MFN2: variants seen among roughly 807,000 people sequenced by gnomAD.
MFN2 encodes mitofusin 2.
Under a neutral mutation model 87.5 loss-of-function variants are expected in MFN2, and 43 were observed. The observed-to-expected ratio is 0.49, with a 90% confidence interval of 0.38 to 0.63. The LOEUF is 0.63. Ranked by LOEUF, MFN2 falls within the 30% of genes least tolerant of loss-of-function variation. MFN2 has a pLI of 0.00. For synonymous variants in MFN2, 337 were observed against 359.9 expected (o/e 0.94, Z 0.72); for missense variants, 743 against 972.8 (o/e 0.76, Z 3.14).
chr1:12,001,298 C>A, intron 8 of MFN2, 103 bp from the exon 9 acceptor site: 1 of 1,497,850 alleles, frequency 6.7e-7, no homozygotes. Flanking sequence ...CAGGCGTCAG[C>A]CACCATGCCC....
At chr1:12,006,334 G>C (rs1419331546) in intron 15 of MFN2, among the ~76,000 whole-genome samples, 2 of 152,200 alleles carry the variant, frequency 1.3e-5, no homozygotes, top group African/African-American at 4.8e-5. Context: ...GGTCAGGATG[G>C]CTCCTGCTCA....
At chr1:12,010,408 G>T (rs987313335) in intron 18 of MFN2, among the ~76,000 whole-genome samples, 1 of 152,156 alleles carries the variant, frequency 6.6e-6, no homozygotes, top group South Asian at 2.1e-4. Flanking sequence ...AACTTGTCTG[G>T]CATCTCAAAA....
intron 11 of MFN2, among the ~76,000 whole-genome samples, chr1:12,002,401 A>G (rs1247967987): frequency 1.3e-5 from 2 of 152,258 alleles, no homozygotes; most frequent in African/African-American, 4.8e-5. Context: ...CATTTTTCAA[A>G]ACAACATTCC....
rs150304304 is a variant in MFN2 at position 12,006,560 on chromosome 1, C to T, written c.1739C>T (p.Thr580Met). The T allele has an allele frequency of 6.2e-6, 10 of 1,614,246 alleles. No homozygotes were observed. Among genetic ancestry groups the T allele is most frequent in the Non-Finnish European group, 7.6e-6 (9 of 1,180,048 alleles). The change falls in exon 16 of 19, where the codon ACG (threonine) becomes ATG (methionine). Residue 580 changes from threonine to methionine, a missense_variant. Physicochemically the swap from Thr to Met is moderately conservative, Grantham distance 81. Transcript: ENST00000235329. The part of the protein sequence containing the change: ...NDQVQRPIPL[T>M]PANPSMPPLP... ...CAGGTCCAGCGTCCCATCCCTCTGACGCCAGCCAACCCCAGCATGCCCCCA... is the reference window on the plus strand; with the variant it reads ...CAGGTCCAGCGTCCCATCCCTCTGATGCCAGCCAACCCCAGCATGCCCCCA...
chr1:12,000,869 C>T (rs1043163618), intron 8 of MFN2, among the ~76,000 whole-genome samples: 1 of 152,156 alleles, frequency 6.6e-6, no homozygotes, highest in African/African-American at 2.4e-5. Context: ...AGCATTTCTG[C>T]TTGTATATGC....
In MFN2 at chr1:11,996,026, C is replaced by T; in HGVS notation, c.312-130C>T. 3 of 1,161,366 alleles carry T rather than the reference C, an allele frequency of 2.6e-6. No individual in the cohort carries two copies. The Admixed American group carries it at 5.2e-5, about 20-fold the overall frequency. The allele number at this position is 1,161,366 out of a possible 1,614,324, so 71.9% of individuals were successfully genotyped here. A position where few individuals can be genotyped will look rare whatever the true frequency, so the allele number is the denominator to read the frequency against. ...AATAAACAGTGCCTACTCTTTGTCT[C>T]TCAGCACTGTCTGGGCACTGGCAAC... On this transcript the variant is annotated intron_variant, in intron 4 of 18. Transcript: ENST00000235329.
At chr1:12,002,687 C>G (rs1639231045) in intron 11 of MFN2, among the ~76,000 whole-genome samples, 2 of 152,174 alleles carry the variant, frequency 1.3e-5, no homozygotes, top group South Asian at 4.1e-4. Flanking sequence ...GACCCTGTCA[C>G]TAAAGAATAA....
Position 11,992,541 on chromosome 1 carries a change from A to G in MFN2, c.176-14A>G, listed in dbSNP as rs2100812425. On this transcript the variant is annotated splice_polypyrimidine_tract_variant and intron_variant, in intron 3 of 18. Coordinates refer to ENST00000235329, the MANE Select transcript of MFN2 (RefSeq NM_014874.4). ...CTGACCACGTGGTGACCCATTTTCA[A>G]TCCCCACCTCCAGACACGTACAGGA... 1 of 1,614,106 alleles carries G rather than the reference A, an allele frequency of 6.2e-7. No homozygotes were observed. Among genetic ancestry groups the G allele is most frequent in the Non-Finnish European group, 8.5e-7 (1 of 1,180,000 alleles).
chr1:11,985,470 T>C (rs1202010946), intron 2 of MFN2, among the ~76,000 whole-genome samples: 1 of 140,110 alleles, frequency 7.1e-6, no homozygotes, highest in Non-Finnish European at 1.5e-5. Context: ...TTTTTTTTTT[T>C]TTTTTTTTTT....
At chr1:11,992,771 C>G (rs1302666617) in intron 4 of MFN2, 81 bp downstream of exon 4, 3 of 1,549,420 alleles carry the variant, frequency 1.9e-6, no homozygotes, top group Non-Finnish European at 2.7e-6. Context: ...ACAGAACGTT[C>G]CAGGCAGGGA....
chr1:11,990,921 G>A (rs1283721000), intron 3 of MFN2, among the ~76,000 whole-genome samples: 1 of 152,188 alleles, frequency 6.6e-6, no homozygotes, highest in Non-Finnish European at 1.5e-5. Flanking sequence ...CTTTCATGGC[G>A]CTGGCTGTGG....
chr1:11,992,637 A>G lies in MFN2; in HGVS notation c.258A>G (p.Arg86=), dbSNP rs781518271. Residue 86 remains arginine (R), a synonymous_variant, in exon 4 of 19, where the codon AGA becomes AGG. Transcript: ENST00000235329. ...TCAAAGGTTACCTATCCAAAGTGAG[A>G]GGCATCAGTGAGGTGCTGGCTCGGA... The part of the protein sequence containing the change: ...LDVKGYLSKV[R]GISEVLARRH... 6.2e-7 allele frequency: 1 copy of G among 1,614,194 alleles called. No individual in the cohort carries two copies. Among genetic ancestry groups the G allele is most frequent in the Non-Finnish European group, 8.5e-7 (1 of 1,180,030 alleles).
In MFN2 at chr1:11,989,226, C is replaced by T. The variant is rs201715603; in HGVS notation, c.58C>T (p.His20Tyr). The T allele has an allele frequency of 1.1e-4, 176 of 1,614,124 alleles. 9 individuals carry two copies. In the Middle Eastern group the frequency reaches 0.015, roughly 141 times the overall value. Residue 20 changes from histidine to tyrosine, a missense_variant, in exon 3 of 19, where the codon CAC (histidine) becomes TAC (tyrosine). By Grantham distance (83) the His-to-Tyr change is moderately conservative (BLOSUM62 2). Transcript: ENST00000235329. ...SIVTVKKNKR[H>Y]MAEVNASPLK... ...CGTCACAGTCAAGAAAAATAAGAGA[C>T]ACATGGCTGAGGTGAATGCATCCCC...
intron 17 of MFN2, among the ~76,000 whole-genome samples, chr1:12,008,928 G>A (rs546502425): frequency 2.0e-5 from 3 of 152,380 alleles, no homozygotes; most frequent in East Asian, 3.9e-4. Flanking sequence ...CTGAGTGAAC[G>A]AGACTCCATC....
intron 1 of MFN2, 148 bp downstream of exon 1, chr1:11,980,632 C>T: frequency 7.6e-6 from 3 of 396,142 alleles, no homozygotes; most frequent in Non-Finnish European, 1.3e-5. Context: ...GCCTCGCCGC[C>T]GGGCCCTCCC....
intron 18 of MFN2, among the ~76,000 whole-genome samples, chr1:12,011,019 G>A (rs928162815): frequency 4.6e-5 from 7 of 150,870 alleles, no homozygotes; most frequent in Middle Eastern, 3.4e-3. Flanking sequence ...CCTCGACTGC[G>A]GATGTGCCCC....
In MFN2 at chr1:12,004,980, A is replaced by C; in HGVS notation, c.1495+53A>C. The C allele has an allele frequency of 7.1e-7, 1 of 1,417,844 alleles. No homozygotes were observed. The highest frequency in any genetic ancestry group is 9.8e-7 in the Non-Finnish European group (1 of 1,019,658). The allele number at this position is 1,417,844 out of a possible 1,614,324, so 87.8% of individuals were successfully genotyped here. ...TGTGGCCCTGGGCTGCCCAAAGATC[A>C]GATGCGGAGGCCAAGCTAAAGAAAT... On this transcript the variant is annotated intron_variant, in intron 14 of 18. Transcript: ENST00000235329. The surrounding 1 kb of genome is among the most constrained non-coding windows in gnomAD (Gnocchi z 4.2).
At chr1:11,984,917 C>T (rs571549453) in intron 2 of MFN2, among the ~76,000 whole-genome samples, 5 of 152,168 alleles carry the variant, frequency 3.3e-5, no homozygotes, top group African/African-American at 7.2e-5. Context: ...ACCTGGTAAA[C>T]GTAAGTAAGT....
chr1:12,001,098 G>A (rs373083397), intron 8 of MFN2, among the ~76,000 whole-genome samples: 6 of 152,146 alleles, frequency 3.9e-5, no homozygotes, highest in South Asian at 2.1e-4. Flanking sequence ...TGCAACCTCC[G>A]CCTCCAGGTT....
Sources: gnomAD v4.1 joint callset for allele counts (sites outside exome capture counted in the v4.1 genomes callset) on GRCh38, gnomAD v4.1.1 for gene constraint, Gnocchi (gnomAD v3.1) non-coding constraint, MANE v1.5 for transcripts, NCBI Gene and HGNC (gene_info 2026-07-23, HGNC 2026-07-21) for gene names.